MACROD2: variants seen among roughly 807,000 people sequenced by gnomAD.
MACROD2 encodes mono-ADP ribosylhydrolase 2, also known as ADP-ribose glycohydrolase MACROD2.
Under a neutral mutation model 70.4 loss-of-function variants are expected in MACROD2, and 36 were observed. That is an observed-to-expected ratio of 0.51 (90% CI 0.39 to 0.68). The LOEUF is 0.68. Among genes scored for constraint, MACROD2 ranks in the 30% least tolerant of loss-of-function variants. MACROD2 has a pLI of 0.00. For missense variants in MACROD2, 496 were observed against 538.4 expected, an observed-to-expected ratio of 0.92 and a Z score of 0.78; for synonymous variants, 172 against 178.8, an observed-to-expected ratio of 0.96 and a Z score of 0.30.
At chr20:15,180,829 A>T (rs2076495351) in intron 5 of MACROD2, among the ~76,000 whole-genome samples, 1 of 152,246 alleles carries the variant, frequency 6.6e-6, no homozygotes, top group African/African-American at 2.4e-5. Flanking sequence ...AATGGACAGC[A>T]TCATAAAATT....
chr20:15,271,523 G>T (rs935985629), intron 6 of MACROD2, among the ~76,000 whole-genome samples: 1 of 152,222 alleles, frequency 6.6e-6, no homozygotes, highest in Non-Finnish European at 1.5e-5. Context: ...TTCCAAAACA[G>T]CACAGGCACA....
chr20:15,950,876 G>T (rs566931273), intron 12 of MACROD2, among the ~76,000 whole-genome samples: 1 of 152,270 alleles, frequency 6.6e-6, no homozygotes, highest in South Asian at 2.1e-4. Context: ...GGAGATGGAA[G>T]TATGGGGCGT....
intron 8 of MACROD2, among the ~76,000 whole-genome samples, chr20:15,517,209 T>C (rs775430528): frequency 2.0e-5 from 3 of 152,132 alleles, no homozygotes; most frequent in Non-Finnish European, 4.4e-5. Flanking sequence ...CCAGCCTCCT[T>C]GGCCTCTGAC....
At chr20:14,382,884 A>T (rs1164278261) in intron 3 of MACROD2, among the ~76,000 whole-genome samples, 6 of 151,184 alleles carry the variant, frequency 4.0e-5, no homozygotes, top group Admixed American at 6.6e-5. Context: ...TATCTTGCTT[A>T]AAAAAAATTG....
At chr20:14,145,261 T>C (rs980133539) in intron 3 of MACROD2, among the ~76,000 whole-genome samples, 1 of 152,182 alleles carries the variant, frequency 6.6e-6, no homozygotes, top group African/African-American at 2.4e-5. Flanking sequence ...ATTTTTGCCT[T>C]TTTCTACATG....
intron 4 of MACROD2, among the ~76,000 whole-genome samples, chr20:14,542,893 G>GT (rs1568662351): frequency 1.3e-5 from 2 of 152,034 alleles, no homozygotes; most frequent in African/African-American, 2.4e-5. Context: ...TTTCTGGAAA[G>GT]TTTTTTTCTA....
chr20:14,324,261 G>C (rs1458221472), intron 3 of MACROD2: 1 of 147,918 alleles, frequency 6.8e-6, no homozygotes, highest in South Asian at 2.2e-4. Flanking sequence ...ACTGGCCAAA[G>C]GGCGTACAAT....
intron 2 of MACROD2, among the ~76,000 whole-genome samples, 184 bp downstream of exon 2, chr20:14,002,588 C>T (rs953070809): frequency 4.6e-5 from 7 of 152,260 alleles, no homozygotes; most frequent in Middle Eastern, 3.4e-3. Flanking sequence ...AGTATATTAA[C>T]ATAATTTGTG....
intron 5 of MACROD2, among the ~76,000 whole-genome samples, chr20:14,859,843 C>G (rs1456947605): frequency 6.6e-6 from 1 of 151,982 alleles, no homozygotes; most frequent in East Asian, 1.9e-4. Flanking sequence ...TTCTCAGTTC[C>G]CTTAAGTACT....
At chr20:14,808,761 A>G (rs769072771) in intron 5 of MACROD2, among the ~76,000 whole-genome samples, 7 of 123,626 alleles carry the variant, frequency 5.7e-5, no homozygotes, top group Non-Finnish European at 1.2e-4. Flanking sequence ...AAATGGAAAG[A>G]AAAAAAAAAA....
intron 2 of MACROD2, among the ~76,000 whole-genome samples, chr20:14,025,356 G>A (rs570202333): frequency 6.6e-6 from 1 of 151,932 alleles, no homozygotes; most frequent in Non-Finnish European, 1.5e-5. Context: ...TTTCGTGTCT[G>A]TATCTCCTTC....
intron 8 of MACROD2, among the ~76,000 whole-genome samples, chr20:15,666,793 C>T (rs988911565): frequency 2.0e-5 from 3 of 152,136 alleles, no homozygotes; most frequent in South Asian, 2.1e-4. Context: ...CAGAGTGCCA[C>T]GAGCCATGTC....
intron 3 of MACROD2, among the ~76,000 whole-genome samples, chr20:14,316,276 T>A (rs567937530): frequency 3.3e-4 from 50 of 152,340 alleles, no homozygotes; most frequent in African/African-American, 1.2e-3. Context: ...AAGTCATCAT[T>A]CAGCATCATG....
intron 3 of MACROD2, among the ~76,000 whole-genome samples, chr20:14,471,170 G>C (rs2123046692): frequency 6.6e-6 from 1 of 152,266 alleles, no homozygotes; most frequent in East Asian, 1.9e-4. Context: ...CCCTTGGCTA[G>C]GGGAGGGAGT....
intron 5 of MACROD2, among the ~76,000 whole-genome samples, chr20:14,788,773 T>G (rs912688228): frequency 2.8e-5 from 4 of 140,482 alleles, no homozygotes; most frequent in South Asian, 2.4e-4. Context: ...GTTTTTTTTT[T>G]TTTTTTTTTT....
chr20:15,688,135 G>A (rs1600761459), intron 8 of MACROD2, among the ~76,000 whole-genome samples: 1 of 152,144 alleles, frequency 6.6e-6, no homozygotes, highest in African/African-American at 2.4e-5. Context: ...TAGGTTAATA[G>A]TAAAATATTT....
chr20:14,050,272 C>CT (rs1366352813), intron 2 of MACROD2, among the ~76,000 whole-genome samples: 3 of 152,156 alleles, frequency 2.0e-5, no homozygotes, highest in African/African-American at 4.8e-5. Context: ...CCTGAGAACT[C>CT]TATCAAGAAC....
intron 3 of MACROD2, among the ~76,000 whole-genome samples, chr20:14,135,449 C>T (rs1427908001): frequency 2.0e-5 from 3 of 152,028 alleles, no homozygotes; most frequent in African/African-American, 7.2e-5. Context: ...AGGAGAATCA[C>T]TTGAGGCCAG....
rs1165981674 is a variant in MACROD2 at position 15,170,090 on chromosome 20, A to G, written c.419-59850A>G. On this transcript the variant is annotated intron_variant, in intron 5 of 17. Coordinates refer to ENST00000684519, the MANE Select transcript of MACROD2 (RefSeq NM_001351661.2). ...CAGTAGTTAATAGAATTGGAAGTAC[A>G]GTTAAGGTTTATTCTTGTAATTTAT... Among the ~76,000 whole-genome samples the G allele has an allele frequency of 2.0e-5, 3 of 152,242 alleles. No individual in the cohort carries two copies. In the South Asian group the frequency reaches 6.2e-4, roughly 31 times the overall value.
Sources: gnomAD v4.1 joint callset for allele counts (sites outside exome capture counted in the v4.1 genomes callset) on GRCh38, gnomAD v4.1.1 for gene constraint, MANE v1.5 for transcripts, NCBI Gene and HGNC (gene_info 2026-07-23, HGNC 2026-07-21) for gene names.